Variants in ZNG1A observed in about 807,000 individuals in gnomAD.
ZNG1A encodes zinc-regulated GTPase metalloprotein activator 1A.
At chr9:170,293 T>G in the ZNG1A span, among the ~76,000 whole-genome samples, 1 of 151,312 alleles carries the variant, frequency 6.6e-6, no homozygotes, top group Non-Finnish European at 1.5e-5. Flanking sequence ...TACTACCAAG[T>G]AGCACTGGCA....
At chr9:178,551 G>A in the ZNG1A span, among the ~76,000 whole-genome samples, 1 of 110,968 alleles carries the variant, frequency 9.0e-6, no homozygotes, top group Non-Finnish European at 2.3e-5. Flanking sequence ...AATTAGGGGG[G>A]CGTGTCTTAG....
chr9:177,165 C>T, the ZNG1A span, among the ~76,000 whole-genome samples: 10 of 152,232 alleles, frequency 6.6e-5, no homozygotes, highest in African/African-American at 2.2e-4. Context: ...GTTCATTGTG[C>T]GGGGCCAATT....
chr9:121,413 C>T, the ZNG1A span: 2 of 1,010,596 alleles, frequency 2.0e-6, no homozygotes, highest in Non-Finnish European at 3.1e-6. Flanking sequence ...GAAATATACC[C>T]AGTAGAAACT....
At chr9:159,852 G>A in the ZNG1A span, 14 of 351,666 alleles carry the variant, frequency 4.0e-5, no homozygotes, top group South Asian at 2.6e-4. Context: ...GGTTACAGAT[G>A]TAACACTATT....
chr9:161,663 T>G, the ZNG1A span: 7 of 1,237,764 alleles, frequency 5.7e-6, no homozygotes, highest in Non-Finnish European at 7.4e-6. Context: ...ACTTGGGAAG[T>G]TGAGAAACAT....
chr9:142,294 A>G, the ZNG1A span, among the ~76,000 whole-genome samples: 1 of 111,056 alleles, frequency 9.0e-6, no homozygotes, highest in Non-Finnish European at 1.7e-5. Flanking sequence ...ACTTGGAAGT[A>G]AAGCTCTCCT....
At chr9:154,737 C>G in the ZNG1A span, 20 of 1,598,292 alleles carry the variant, frequency 1.3e-5, no homozygotes, top group Non-Finnish European at 1.5e-5. Context: ...TTCTTTACAT[C>G]TTCTTCTGGA....
chr9:176,646 A>G, the ZNG1A span, among the ~76,000 whole-genome samples: 939 of 152,192 alleles, frequency 6.2e-3, 5 homozygotes, highest in Non-Finnish European at 0.01. Flanking sequence ...GAAGCTCAAC[A>G]TCACAAAAAT....
the ZNG1A span, among the ~76,000 whole-genome samples, chr9:170,128 G>T: frequency 1.4e-5 from 2 of 146,208 alleles, no homozygotes; most frequent in East Asian, 2.0e-4. Flanking sequence ...ATATCCCTGC[G>T]GTATGGCTGT....
the ZNG1A span, among the ~76,000 whole-genome samples, chr9:163,449 G>A: frequency 3.9e-5 from 6 of 152,156 alleles, no homozygotes; most frequent in South Asian, 1.2e-3. Flanking sequence ...CTTAGTGGAA[G>A]CACTAAATTG....
the ZNG1A span, chr9:172,401 T>G: frequency 0.059 from 25,339 of 426,674 alleles, 1,542 homozygotes; most frequent in African/African-American, 0.22. Context: ...CATAATACTT[T>G]ATCAAAATTA....
At chr9:163,584 T>C in the ZNG1A span, among the ~76,000 whole-genome samples, 2 of 152,034 alleles carry the variant, frequency 1.3e-5, no homozygotes, top group Non-Finnish European at 2.9e-5. Flanking sequence ...ATAATATGAA[T>C]GAACAACAAC....
At chr9:168,541 C>T in the ZNG1A span, among the ~76,000 whole-genome samples, 27 of 150,608 alleles carry the variant, frequency 1.8e-4, no homozygotes, top group East Asian at 4.5e-3. Context: ...CATGAGCCAC[C>T]GAGCCCGGCC....
the ZNG1A span, among the ~76,000 whole-genome samples, chr9:120,862 T>C: frequency 6.6e-6 from 1 of 152,224 alleles, no homozygotes; most frequent in Non-Finnish European, 1.5e-5. Flanking sequence ...TTTCAATTAA[T>C]CATGTAGACC....
the ZNG1A span, among the ~76,000 whole-genome samples, chr9:132,314 A>T: frequency 6.7e-6 from 1 of 148,172 alleles, no homozygotes; most frequent in African/African-American, 2.6e-5. Flanking sequence ...CAGGAGTTTG[A>T]GACCAGCTTG....
chr9:174,583 G>C, the ZNG1A span, among the ~76,000 whole-genome samples: 13 of 151,538 alleles, frequency 8.6e-5, no homozygotes, highest in Admixed American at 2.0e-4. Context: ...GAAAAAAACA[G>C]TCTGTTATTA....
the ZNG1A span, among the ~76,000 whole-genome samples, chr9:160,874 A>G: frequency 3.3e-5 from 5 of 150,672 alleles, no homozygotes; most frequent in African/African-American, 9.9e-5. Context: ...CTTTTTTGCT[A>G]CCTCCATAAG....
the ZNG1A span, among the ~76,000 whole-genome samples, chr9:138,742 T>C: frequency 4.0e-5 from 5 of 125,690 alleles, no homozygotes; most frequent in South Asian, 8.8e-4. Context: ...TTACAGAAAA[T>C]TAAAAAAAAA....
chr9:177,319 A>G, the ZNG1A span, among the ~76,000 whole-genome samples: 6 of 152,076 alleles, frequency 3.9e-5, no homozygotes, highest in Non-Finnish European at 8.8e-5. Context: ...TAAGGCTAAC[A>G]TGCAACGAAT....
Sources: gnomAD v4.1 joint callset for allele counts (sites outside exome capture counted in the v4.1 genomes callset) on GRCh38, gnomAD v4.1.1 for gene constraint, MANE v1.5 for transcripts, NCBI Gene and HGNC (gene_info 2026-07-23, HGNC 2026-07-21) for gene names.